The following TP63 variants were observed in gnomAD, a reference collection of about 807,000 sequenced individuals.
TP63 encodes the protein tumor protein p63, also known as tumor protein 63.
In TP63, 17 loss-of-function variants were observed where a neutral mutation model predicts 82.8. The ratio of observed to expected loss-of-function variants is 0.21; its 90% CI spans 0.14 to 0.31. The LOEUF (loss-of-function observed/expected upper bound fraction) is 0.31. Among genes scored for constraint, TP63 ranks in the 10% least tolerant of loss-of-function variants. The pLI is 1.00. For missense variants in TP63, 648 were observed against 895.3 expected (o/e 0.72, Z 3.52); for synonymous variants, 330 against 321.7 (o/e 1.03, Z -0.28).
chr3:189,862,353 C>G (rs1357550449), intron 4 of TP63, among the ~76,000 whole-genome samples: 2 of 151,856 alleles, frequency 1.3e-5, no homozygotes, highest in Non-Finnish European at 2.9e-5. Flanking sequence ...ATTCCCACCC[C>G]CATCCCCGAG....
intron 4 of TP63, among the ~76,000 whole-genome samples, chr3:189,827,559 C>T (rs1255853269): frequency 6.6e-6 from 1 of 152,160 alleles, no homozygotes; most frequent in African/African-American, 2.4e-5. Flanking sequence ...AAAGTTGGGC[C>T]TTCAAGGATA....
At chr3:189,665,141 C>T (rs578255824) in intron 1 of TP63, among the ~76,000 whole-genome samples, 2 of 152,130 alleles carry the variant, frequency 1.3e-5, no homozygotes, top group Non-Finnish European at 2.9e-5. Flanking sequence ...TAAAACGACT[C>T]CTTATGAGAG....
intron 4 of TP63, among the ~76,000 whole-genome samples, chr3:189,847,535 G>T (rs1046600876): frequency 1.3e-5 from 2 of 152,164 alleles, no homozygotes; most frequent in Non-Finnish European, 2.9e-5. Context: ...GAGGCCAATC[G>T]TTTTTGAAAA....
chr3:189,634,067 AG>A (rs1245818373), intron 1 of TP63, among the ~76,000 whole-genome samples: 16 of 152,156 alleles, frequency 1.1e-4, no homozygotes, highest in African/African-American at 3.9e-4. Context: ...ATATGGTCAA[AG>A]CAAGGATCAA....
At chr3:189,773,324 T>G (rs757220232) in intron 3 of TP63, among the ~76,000 whole-genome samples, 4 of 152,236 alleles carry the variant, frequency 2.6e-5, no homozygotes, top group Non-Finnish European at 4.4e-5. Context: ...CTTGTAAATC[T>G]TATTTTCGGT....
intron 4 of TP63, among the ~76,000 whole-genome samples, chr3:189,812,925 GGAC>G (rs1368384019): frequency 6.6e-6 from 1 of 151,982 alleles, no homozygotes; most frequent in African/African-American, 2.4e-5. Flanking sequence ...CTTTATAGAG[GGAC>G]TGTGATACTA....
At chr3:189,893,607 C>T (rs1462791084) in intron 13 of TP63, among the ~76,000 whole-genome samples, 6 of 152,148 alleles carry the variant, frequency 3.9e-5, no homozygotes, top group Non-Finnish European at 8.8e-5. Context: ...GATAAAAGTG[C>T]CGTTTCAGGT....
chr3:189,605,491 A>C, the TP63 span, among the ~76,000 whole-genome samples: 1 of 152,158 alleles, frequency 6.6e-6, no homozygotes, highest in African/African-American at 2.4e-5. Flanking sequence ...TTAACTGTGG[A>C]ATTTACATTG....
At chr3:189,728,078 G>A (rs1191498720) in intron 1 of TP63, among the ~76,000 whole-genome samples, 1 of 151,934 alleles carries the variant, frequency 6.6e-6, no homozygotes, top group East Asian at 1.9e-4. Flanking sequence ...TGTCTGAAGA[G>A]CTTTGCCTAA....
chr3:189,654,187 C>G (rs1201403867), intron 1 of TP63, among the ~76,000 whole-genome samples: 1 of 151,644 alleles, frequency 6.6e-6, no homozygotes, highest in African/African-American at 2.4e-5. Flanking sequence ...TTGAAGTATC[C>G]CACTAAACAT....
chr3:189,838,619 G>A (rs1713495835), intron 4 of TP63, among the ~76,000 whole-genome samples: 1 of 152,082 alleles, frequency 6.6e-6, no homozygotes, highest in African/African-American at 2.4e-5. Context: ...AGATGCTTAT[G>A]TATTAGTGGC....
chr3:189,676,222 A>G (rs982511455), intron 1 of TP63, among the ~76,000 whole-genome samples: 3 of 152,142 alleles, frequency 2.0e-5, no homozygotes, highest in African/African-American at 4.8e-5. Flanking sequence ...ATATAAAATT[A>G]TTAACTATAC....
chr3:189,765,433 C>CTTTTGTTTTTTTTTTTTTTTTTTTTTTT (rs1722871537), intron 3 of TP63, among the ~76,000 whole-genome samples: 1 of 30,086 alleles, frequency 3.3e-5, no homozygotes, highest in Non-Finnish European at 5.9e-5. Flanking sequence ...CTGTCCTCTG[C>CTTTTGTTTTTTTTTTTTTTTTTTTTTTT]TTTTTTTTTT....
chr3:189,809,590 C>G (rs1727308894), intron 4 of TP63, among the ~76,000 whole-genome samples: 1 of 152,186 alleles, frequency 6.6e-6, no homozygotes, highest in Non-Finnish European at 1.5e-5. Context: ...TTCCAAATAT[C>G]ATCATCTTAA....
chr3:189,816,784 C>T (rs1016912156), intron 4 of TP63, among the ~76,000 whole-genome samples: 8 of 152,000 alleles, frequency 5.3e-5, no homozygotes, highest in Admixed American at 2.0e-4. Flanking sequence ...CACACAGAGG[C>T]GTAAAGGTAA....
chr3:189,676,081 G>T (rs1219698811), intron 1 of TP63, among the ~76,000 whole-genome samples: 1 of 152,052 alleles, frequency 6.6e-6, no homozygotes, highest in Non-Finnish European at 1.5e-5. Context: ...ATGTTTTGAT[G>T]TATGCGTACA....
intron 1 of TP63, 121 bp from the exon 2 acceptor site, chr3:189,737,619 A>G (rs1184218468): frequency 2.4e-6 from 3 of 1,245,404 alleles, no homozygotes; most frequent in Non-Finnish European, 3.5e-6. Flanking sequence ...TGTGCTACAT[A>G]TATACCTGCA....
the TP63 span, among the ~76,000 whole-genome samples, chr3:189,624,016 T>G: frequency 6.6e-6 from 1 of 152,214 alleles, no homozygotes; most frequent in Non-Finnish European, 1.5e-5. Context: ...AGTATGGAAC[T>G]TCACATTATA....
rs1720781360 is a variant in TP63 at position 189,889,367 on chromosome 3, T to C, written c.1535T>C (p.Met512Thr). Reference protein sequence around the residue: ...NIPMMGTHMPMAGDMNGLSPT... With the variant: ...NIPMMGTHMPTAGDMNGLSPT... ...CCCATGATGGGCACCCACATGCCAA[T>C]GGCTGGAGACATGAATGGACTCAGC... The change falls in exon 12 of 14, where the codon ATG (methionine) becomes ACG (threonine). Residue 512 changes from methionine to threonine, a missense_variant. Transcript: ENST00000264731. The C allele has an allele frequency of 6.2e-7, 1 of 1,614,042 alleles. No homozygotes were observed. Among genetic ancestry groups the C allele is most frequent in the Non-Finnish European group, 8.5e-7 (1 of 1,180,020 alleles).
Sources: allele counts gnomAD v4.1 joint callset (sites outside exome capture counted in the v4.1 genomes callset), GRCh38; gene constraint gnomAD v4.1.1; transcripts MANE v1.5; gene names NCBI Gene and HGNC (gene_info 2026-07-23, HGNC 2026-07-21).